PRKG1: variants seen among roughly 807,000 people sequenced by gnomAD.
PRKG1 encodes protein kinase cGMP-dependent 1.
In PRKG1, 35 loss-of-function variants were observed where a neutral mutation model predicts 88.1. That is an observed-to-expected ratio of 0.40 (90% confidence interval 0.30 to 0.53). The LOEUF (loss-of-function observed/expected upper bound fraction) is 0.53. Ranked by LOEUF, PRKG1 falls within the 20% of genes least tolerant of loss-of-function variation. The pLI is 0.59. For missense variants in PRKG1, 540 were observed against 839.8 expected (o/e 0.64, Z 4.41); for synonymous variants, 303 against 292.5 (o/e 1.04, Z -0.37).
intron 5 of PRKG1, among the ~76,000 whole-genome samples, chr10:52,035,487 T>C (rs576464135): frequency 2.6e-5 from 4 of 152,142 alleles, no homozygotes; most frequent in South Asian, 2.1e-4. Context: ...TGGTGTGTGG[T>C]GATTAGGCCT....
At chr10:52,106,923 A>G (rs1349806831) in intron 7 of PRKG1, among the ~76,000 whole-genome samples, 1 of 152,144 alleles carries the variant, frequency 6.6e-6, no homozygotes, top group Non-Finnish European at 1.5e-5. Flanking sequence ...AGCACCCTTC[A>G]GCTATGGTTA....
intron 5 of PRKG1, among the ~76,000 whole-genome samples, chr10:51,919,843 T>C (rs1040572931): frequency 6.6e-6 from 1 of 152,198 alleles, no homozygotes; most frequent in Non-Finnish European, 1.5e-5. Context: ...AGGGTATGTC[T>C]TAACATATAT....
intron 5 of PRKG1, among the ~76,000 whole-genome samples, chr10:52,033,497 CTA>C (rs1845523143): frequency 6.6e-6 from 1 of 152,098 alleles, no homozygotes; most frequent in African/African-American, 2.4e-5. Flanking sequence ...TTTTTATGGA[CTA>C]TGTTTATATC....
At chr10:51,146,827 A>G (rs1333959723) in intron 1 of PRKG1, among the ~76,000 whole-genome samples, 5 of 152,180 alleles carry the variant, frequency 3.3e-5, no homozygotes, top group Non-Finnish European at 7.4e-5. Context: ...TCAGTATATC[A>G]AAGAGATATC....
chr10:51,963,321 A>G, intron 5 of PRKG1, among the ~76,000 whole-genome samples: 1 of 152,208 alleles, frequency 6.6e-6, no homozygotes, highest in Non-Finnish European at 1.5e-5. Context: ...AAGACTGTTC[A>G]TTAAGATGAT....
intron 3 of PRKG1, among the ~76,000 whole-genome samples, chr10:51,674,301 A>G (rs1251284561): frequency 3.3e-5 from 5 of 151,852 alleles, no homozygotes; most frequent in African/African-American, 1.2e-4. Flanking sequence ...TACATTAGGT[A>G]TTTCTCCTAA....
At chr10:51,935,589 T>G (rs1316829606) in intron 5 of PRKG1, among the ~76,000 whole-genome samples, 1 of 152,158 alleles carries the variant, frequency 6.6e-6, no homozygotes, top group East Asian at 1.9e-4. Flanking sequence ...TCTAAACTCA[T>G]ATATCACTCA....
At chr10:52,052,955 G>A (rs1846025675) in intron 5 of PRKG1, among the ~76,000 whole-genome samples, 1 of 152,196 alleles carries the variant, frequency 6.6e-6, no homozygotes, top group African/African-American at 2.4e-5. Flanking sequence ...ATGAATACAT[G>A]AAAGTGGACC....
chr10:51,603,924 C>G (rs536640302), intron 3 of PRKG1, among the ~76,000 whole-genome samples: 1 of 152,178 alleles, frequency 6.6e-6, no homozygotes, highest in Non-Finnish European at 1.5e-5. Flanking sequence ...AAGGCTGTCA[C>G]GCTGGGATGG....
intron 2 of PRKG1, among the ~76,000 whole-genome samples, chr10:51,298,367 G>A (rs776120069): frequency 4.6e-5 from 7 of 152,156 alleles, no homozygotes; most frequent in Non-Finnish European, 8.8e-5. Context: ...TTCTGAGTTG[G>A]ACCTGATTAA....
At chr10:51,042,531 T>G (rs1843437675) in intron 1 of PRKG1, among the ~76,000 whole-genome samples, 1 of 152,158 alleles carries the variant, frequency 6.6e-6, no homozygotes, top group South Asian at 2.1e-4. Flanking sequence ...CAAGTTTGGT[T>G]TTTAAATTAA....
intron 7 of PRKG1, among the ~76,000 whole-genome samples, chr10:52,115,759 A>T (rs934433074): frequency 1.3e-5 from 2 of 152,168 alleles, no homozygotes; most frequent in Non-Finnish European, 2.9e-5. Flanking sequence ...CAATGACTTT[A>T]TCCTTTACCC....
At chr10:51,799,260 T>C (rs921569854) in intron 3 of PRKG1, among the ~76,000 whole-genome samples, 4 of 152,034 alleles carry the variant, frequency 2.6e-5, no homozygotes, top group African/African-American at 7.2e-5. Flanking sequence ...CCCCTCTTCA[T>C]TGGCCTCAGT....
intron 2 of PRKG1, among the ~76,000 whole-genome samples, chr10:51,455,107 A>C (rs1349789656): frequency 6.6e-6 from 1 of 152,184 alleles, no homozygotes; most frequent in Non-Finnish European, 1.5e-5. Context: ...GCATCCACAG[A>C]CTCAACACCA....
intron 2 of PRKG1, among the ~76,000 whole-genome samples, chr10:51,329,288 T>C (rs1232946575): frequency 6.6e-6 from 1 of 152,200 alleles, no homozygotes; most frequent in East Asian, 1.9e-4. Context: ...CATGTGGATA[T>C]TCAGTTTCCC....
intron 7 of PRKG1, among the ~76,000 whole-genome samples, chr10:52,077,946 GA>G (rs1256233512): frequency 6.6e-6 from 1 of 152,160 alleles, no homozygotes; most frequent in Non-Finnish European, 1.5e-5. Context: ...TTGTCTTTGA[GA>G]GTCAATTTCT....
At chr10:51,392,388 C>T (rs958413380) in intron 2 of PRKG1, among the ~76,000 whole-genome samples, 1 of 151,986 alleles carries the variant, frequency 6.6e-6, no homozygotes, top group African/African-American at 2.4e-5. Context: ...CTTGCACCGC[C>T]CTTAATCCAT....
At chr10:51,731,053 G>C (rs895409650) in intron 3 of PRKG1, among the ~76,000 whole-genome samples, 1 of 152,114 alleles carries the variant, frequency 6.6e-6, no homozygotes, top group Non-Finnish European at 1.5e-5. Context: ...CTACTCGGGA[G>C]GCTGAGGCAG....
chr10:51,713,559 T>G (rs943538163), intron 3 of PRKG1, among the ~76,000 whole-genome samples: 1 of 152,228 alleles, frequency 6.6e-6, no homozygotes, highest in Non-Finnish European at 1.5e-5. Flanking sequence ...GTTTTACATT[T>G]ACACTGTCAT....
Sources: gnomAD v4.1 joint callset for allele counts (sites outside exome capture counted in the v4.1 genomes callset) on GRCh38, gnomAD v4.1.1 for gene constraint, MANE v1.5 for transcripts, NCBI Gene and HGNC (gene_info 2026-07-23, HGNC 2026-07-21) for gene names.